The following RAPGEF2 variants were observed in gnomAD, a reference collection of about 807,000 sequenced individuals.
The protein encoded by RAPGEF2 is PDZ domain containing guanine nucleotide exchange factor (GEF) 1.
In RAPGEF2, 54 loss-of-function variants were observed where a neutral mutation model predicts 186.7. The ratio of observed to expected loss-of-function variants is 0.29; its 90% CI spans 0.23 to 0.36. The LOEUF (loss-of-function observed/expected upper bound fraction) is 0.36. Ranked by LOEUF, RAPGEF2 falls within the 10% of genes least tolerant of loss-of-function variation. The probability of loss-of-function intolerance (pLI) is 1.00; values close to 1 mark genes in which losing one functional copy is unlikely to be tolerated. For missense variants in RAPGEF2, 1,532 were observed against 2,045.0 expected (o/e 0.75, Z 4.84); for synonymous variants, 712 against 705.9 (o/e 1.01, Z -0.14).
At chr4:159,193,165 C>G (rs780087633) in intron 2 of RAPGEF2, 35 bp from the exon 3 acceptor site, 1 of 1,342,864 alleles carries the variant, frequency 7.4e-7, no homozygotes, top group Non-Finnish European at 9.8e-7. Flanking sequence ...TTTTTAGTGA[C>G]AGATGTTGAA....
intron 1 of RAPGEF2, among the ~76,000 whole-genome samples, chr4:159,169,951 CA>C: frequency 6.6e-6 from 1 of 152,114 alleles, no homozygotes; most frequent in South Asian, 2.1e-4. Context: ...ACCGCTTGAT[CA>C]TATGGTAGTC....
At chr4:159,198,264 TTCTTTCC>T (rs1748921862) in intron 3 of RAPGEF2, among the ~76,000 whole-genome samples, 4 of 72,600 alleles carry the variant, frequency 5.5e-5, no homozygotes, top group African/African-American at 4.0e-4. Flanking sequence ...TTCTTTCTCT[TTCTTTCC>T]TTCTTTCTTT....
intron 1 of RAPGEF2, among the ~76,000 whole-genome samples, chr4:159,166,800 G>T (rs758213653): frequency 8.5e-5 from 13 of 152,276 alleles, no homozygotes; most frequent in Non-Finnish European, 1.6e-4. Context: ...ATGTTGATGA[G>T]ATTAGAGAAG....
intron 4 of RAPGEF2, among the ~76,000 whole-genome samples, chr4:159,225,925 CAT>C (rs533006017): frequency 8.7e-4 from 133 of 152,272 alleles, no homozygotes; most frequent in Middle Eastern, 3.4e-3. Context: ...CCTAATCTAA[CAT>C]GTGCCTTAAA....
intron 3 of RAPGEF2, among the ~76,000 whole-genome samples, chr4:159,197,974 G>A (rs1216472458): frequency 2.0e-5 from 3 of 152,074 alleles, no homozygotes; most frequent in Non-Finnish European, 2.9e-5. Flanking sequence ...TTCCTGCCGC[G>A]TTTCTGAGAC....
intron 1 of RAPGEF2, among the ~76,000 whole-genome samples, chr4:159,140,989 G>A (rs1009355736): frequency 1.3e-5 from 2 of 151,950 alleles, no homozygotes; most frequent in Non-Finnish European, 1.5e-5. Flanking sequence ...CTGCCACCAC[G>A]GCTGGCTAAT....
At chr4:159,132,752 C>G (rs113899466) in intron 1 of RAPGEF2, among the ~76,000 whole-genome samples, 223 of 152,006 alleles carry the variant, frequency 1.5e-3, no homozygotes, top group African/African-American at 5.0e-3. Context: ...TGCTCATTTT[C>G]TTTTGGTAGT....
At chr4:159,302,419 TTC>T (rs1490130765) in intron 7 of RAPGEF2, among the ~76,000 whole-genome samples, 1 of 152,230 alleles carries the variant, frequency 6.6e-6, no homozygotes, top group Non-Finnish European at 1.5e-5. Flanking sequence ...CAGTTTATTG[TTC>T]TCTAATTACA....
Position 159,145,146 on chromosome 4 carries a change from G to T in RAPGEF2, c.69+40915G>T, listed in dbSNP as rs1455777140. 3.3e-5 allele frequency among the ~76,000 whole-genome samples: 5 copies of T among 151,816 alleles called. No homozygotes were observed. The South Asian group carries it at 8.3e-4, about 25-fold the overall frequency. ...TCTGCCCGCCTCAGCTTCCCAAAAT[G>T]CTGGGATTACAGCCGTGAGCCACTG... On this transcript the variant is annotated intron_variant, in intron 1 of 29. Coordinates refer to ENST00000691494, the MANE Select transcript of RAPGEF2 (RefSeq NM_001394067.2).
At chr4:159,272,625 T>C (rs553378744) in intron 7 of RAPGEF2, among the ~76,000 whole-genome samples, 4 of 152,312 alleles carry the variant, frequency 2.6e-5, no homozygotes, top group African/African-American at 9.6e-5. Context: ...AAGGGTATGG[T>C]TGGAATTTAA....
At chr4:159,170,037 A>G (rs1323201814) in intron 1 of RAPGEF2, among the ~76,000 whole-genome samples, 2 of 150,416 alleles carry the variant, frequency 1.3e-5, no homozygotes, top group Admixed American at 1.3e-4. Context: ...TCTCATCAAC[A>G]GTGAGAATTT....
Position 159,355,921 on chromosome 4 carries a change from G to A in RAPGEF2, c.4720G>A (p.Asp1574Asn). The A allele has an allele frequency of 8.2e-7, 1 of 1,218,766 alleles. No individual in the cohort carries two copies. The allele number at this position is 1,218,766 out of a possible 1,614,324, so 75.5% of individuals were successfully genotyped here. Reference sequence around the variant, plus strand: ...CGGCTACATTGGAATTCCCATTACTGACTTTCCAGAAGGGCACTCCCATCC... The same window carrying A: ...CGGCTACATTGGAATTCCCATTACTAACTTTCCAGAAGGGCACTCCCATCC... Reference protein sequence around the residue: ...PPGYIGIPITDFPEGHSHPAR... With the variant: ...PPGYIGIPITNFPEGHSHPAR... Residue 1574 changes from aspartate (D) to asparagine (N), a missense_variant, in exon 29 of 30, where the codon GAC becomes AAC. Asp to Asn is a conservative substitution (Grantham distance 23). This residue lies in a region of RAPGEF2 where 594 missense variants were observed against 608.5 expected (regional missense o/e 0.98). Transcript: ENST00000691494.
chr4:159,331,878 GTTT>G (rs371949915), intron 15 of RAPGEF2, 45 bp downstream of exon 15: 1 of 1,407,488 alleles, frequency 7.1e-7, no homozygotes, highest in Admixed American at 2.0e-5. Flanking sequence ...TTGGTGTCTG[GTTT>G]TTTTTTTCAG....
chr4:159,261,179 A>C (rs1265256974), intron 7 of RAPGEF2, among the ~76,000 whole-genome samples: 1 of 152,014 alleles, frequency 6.6e-6, no homozygotes, highest in Non-Finnish European at 1.5e-5. Context: ...CTCCTGCCTC[A>C]GCTTCCCAAA....
intron 4 of RAPGEF2, among the ~76,000 whole-genome samples, chr4:159,216,760 C>T (rs1245357922): frequency 1.3e-5 from 2 of 152,098 alleles, no homozygotes; most frequent in Non-Finnish European, 2.9e-5. Context: ...ATTTGCACCA[C>T]GTTGACTGTG....
In RAPGEF2 at chr4:159,267,613, A is replaced by T. The variant is rs1382455096; in HGVS notation, c.543+23822A>T. 7.2e-6 allele frequency: 4 copies of T among 552,820 alleles called. No individual in the cohort carries two copies. The Admixed American group carries it at 1.4e-4, about 19-fold the overall frequency. The allele number at this position is 552,820 out of a possible 1,614,324, so 34.2% of individuals were successfully genotyped here. A position where few individuals can be genotyped will look rare whatever the true frequency, so the allele number is the denominator to read the frequency against. The stretch of plus-strand genomic sequence containing the variant: ...CTGCCCTGATTTTTTTCTTTCTTTC[A>T]TTTTCTTTTTTTCTCTTGGTTGGAG... On this transcript the variant is annotated intron_variant, in intron 7 of 29. Coordinates refer to ENST00000691494, the MANE Select transcript of RAPGEF2 (RefSeq NM_001394067.2).
chr4:159,338,999 G>A, intron 18 of RAPGEF2, 115 bp from the exon 19 acceptor site: 1 of 1,271,382 alleles, frequency 7.9e-7, no homozygotes, highest in East Asian at 2.3e-5. Flanking sequence ...TAAGGGAGAG[G>A]TAAAAGTTCA....
intron 1 of RAPGEF2, among the ~76,000 whole-genome samples, chr4:159,124,155 TTTG>T (rs977137978): frequency 1.3e-5 from 2 of 151,750 alleles, no homozygotes; most frequent in South Asian, 2.1e-4. Context: ...GCACCCGGCC[TTTG>T]TTGTTGTTGT....
intron 8 of RAPGEF2, among the ~76,000 whole-genome samples, chr4:159,310,794 A>C (rs1341392504): frequency 6.6e-6 from 1 of 152,230 alleles, no homozygotes; most frequent in East Asian, 1.9e-4. Flanking sequence ...AAGCTTTTAA[A>C]TATAAAGCGT....
Sources: allele counts gnomAD v4.1 joint callset (sites outside exome capture counted in the v4.1 genomes callset), GRCh38; gene constraint gnomAD v4.1.1; regional missense constraint gnomAD v4.1.1; transcripts MANE v1.5; gene names NCBI Gene and HGNC (gene_info 2026-07-23, HGNC 2026-07-21).